Variants in KDM4C observed in about 807,000 individuals in gnomAD.
KDM4C encodes lysine demethylase 4C, also known as lysine-specific demethylase 4C.
A neutral mutation model predicts 129.3 loss-of-function variants in KDM4C; 81 were observed. The ratio of observed to expected loss-of-function variants is 0.63; its 90% CI spans 0.52 to 0.75. The LOEUF (loss-of-function observed/expected upper bound fraction) is 0.75, where lower values mean the gene tolerates loss of function less well. Among genes scored for constraint, KDM4C ranks in the 30% least tolerant of loss-of-function variants. KDM4C has a pLI of 0.00. For missense variants in KDM4C, 1,457 were observed against 1,304.0 expected, an observed-to-expected ratio of 1.12 and a Z score of -1.81; for synonymous variants, 573 against 456.1, an observed-to-expected ratio of 1.26 and a Z score of -3.26.
At chr9:6,896,447 A>G (rs1816454949) in intron 8 of KDM4C, among the ~76,000 whole-genome samples, 1 of 151,616 alleles carries the variant, frequency 6.6e-6, no homozygotes, top group Non-Finnish European at 1.5e-5. Flanking sequence ...TTATATGTGC[A>G]TATATGTAAT....
At chr9:6,749,134 C>T (rs537730513) in intron 1 of KDM4C, among the ~76,000 whole-genome samples, 1 of 152,336 alleles carries the variant, frequency 6.6e-6, no homozygotes. Context: ...ATTCTCCTGC[C>T]TCAGCATCCC....
At chr9:7,118,801 G>C (rs1356108906) in intron 18 of KDM4C, among the ~76,000 whole-genome samples, 1 of 152,122 alleles carries the variant, frequency 6.6e-6, no homozygotes, top group Non-Finnish European at 1.5e-5. Flanking sequence ...TGTAGATAGA[G>C]AACCCAGTTG....
intron 7 of KDM4C, among the ~76,000 whole-genome samples, chr9:6,889,793 G>A (rs11790744): frequency 0.14 from 21,948 of 152,196 alleles, 1,856 homozygotes; most frequent in South Asian, 0.33. Context: ...AGGCTGATAC[G>A]TGAAGAGAAG....
chr9:7,064,261 ACT>A (rs779722673), intron 17 of KDM4C, among the ~76,000 whole-genome samples: 2 of 152,212 alleles, frequency 1.3e-5, no homozygotes, highest in Non-Finnish European at 2.9e-5. Flanking sequence ...AAAATATCTC[ACT>A]GATTATTTTT....
intron 17 of KDM4C, among the ~76,000 whole-genome samples, chr9:7,074,033 G>T (rs1369341102): frequency 2.0e-5 from 3 of 152,192 alleles, no homozygotes. Context: ...ACAGGAATTT[G>T]CTATCTAAAG....
Position 7,014,032 on chromosome 9 carries a change from G to C in KDM4C, c.2182+31G>C, listed in dbSNP as rs755061819. The C allele has an allele frequency of 2.6e-6, 4 of 1,560,948 alleles. No individual in the cohort carries two copies. The South Asian group carries it at 4.6e-5, about 18-fold the overall frequency. On this transcript the variant is annotated intron_variant, in intron 14 of 21. Coordinates refer to ENST00000381309, the MANE Select transcript of KDM4C (RefSeq NM_015061.6). ...TGGATCTATAATTCATCAATCACTGGCTTTTCAGCATTTCACATCATCTTT... is the reference window on the plus strand; with the variant it reads ...TGGATCTATAATTCATCAATCACTGCCTTTTCAGCATTTCACATCATCTTT...
chr9:6,791,569 T>C (rs1826625652), intron 1 of KDM4C, among the ~76,000 whole-genome samples: 1 of 152,214 alleles, frequency 6.6e-6, no homozygotes, highest in African/African-American at 2.4e-5. Flanking sequence ...TAGGAAGGCA[T>C]GATATGACAA....
intron 8 of KDM4C, among the ~76,000 whole-genome samples, chr9:6,935,005 T>C (rs1288921566): frequency 6.6e-6 from 1 of 152,110 alleles, no homozygotes; most frequent in Non-Finnish European, 1.5e-5. Context: ...GACACAAGTT[T>C]TATGTATAAT....
At chr9:6,961,529 C>T (rs1044655603) in intron 8 of KDM4C, among the ~76,000 whole-genome samples, 3 of 152,172 alleles carry the variant, frequency 2.0e-5, no homozygotes, top group Non-Finnish European at 2.9e-5. Flanking sequence ...AACTATTTCT[C>T]ATCAGACAGA....
At chr9:6,865,029 G>A (rs1405174571) in intron 5 of KDM4C, among the ~76,000 whole-genome samples, 1 of 98,228 alleles carries the variant, frequency 1.0e-5, no homozygotes, top group African/African-American at 3.3e-5. Flanking sequence ...TTTTTTGTGA[G>A]ATAGAGTCTT....
chr9:6,794,779 T>C lies in KDM4C; in HGVS notation c.144+1647T>C, dbSNP rs1827405547. Among the ~76,000 whole-genome samples, 3 of 152,190 alleles carry C rather than the reference T, an allele frequency of 2.0e-5. No individual in the cohort carries two copies. In the South Asian group the frequency reaches 6.2e-4, roughly 32 times the overall value. On this transcript the variant is annotated intron_variant, in intron 2 of 21. Coordinates refer to ENST00000381309, the MANE Select transcript of KDM4C (RefSeq NM_015061.6). ...GGTAGTGACTTAAGCCTTGTGGGTG[T>C]AAGTGACATGCCCCGAGTCATAGGG...
chr9:6,858,058 C>T (rs960213735), intron 5 of KDM4C, among the ~76,000 whole-genome samples: 2 of 151,528 alleles, frequency 1.3e-5, no homozygotes, highest in Admixed American at 1.3e-4. Context: ...TAAGCTCAAG[C>T]ACTCTTCCTG....
intron 8 of KDM4C, among the ~76,000 whole-genome samples, chr9:6,954,548 C>G (rs891608113): frequency 3.9e-5 from 6 of 152,042 alleles, no homozygotes; most frequent in Admixed American, 3.9e-4. Context: ...AAGGAGAGGC[C>G]TTATTGATCT....
In KDM4C at chr9:6,740,510, C is replaced by T. The variant is rs144363906; in HGVS notation, c.49+19513C>T. Among the ~76,000 whole-genome samples the T allele has an allele frequency of 3.9e-3, 549 of 140,242 alleles. 4 individuals carry two copies. The highest frequency in any genetic ancestry group is 0.013 in the African/African-American group (506 of 37,634). 92.0% of individuals were successfully genotyped at this position (140,242 alleles called of 152,430 possible). A position where few individuals can be genotyped will look rare whatever the true frequency, so the allele number is the denominator to read the frequency against. ...GAGCCACTGCGCCTGGCCTTTCACC[C>T]GGCCTAATTTTTATTTATTTATCCT... On this transcript the variant is annotated intron_variant, in intron 1 of 17. Coordinates refer to the KDM4C transcript ENST00000536108.
rs138375482 is a variant in KDM4C, at chr9:6,804,562, A to G, written c.145-1037A>G. Among the ~76,000 whole-genome samples the G allele has an allele frequency of 1.8e-4, 27 of 152,028 alleles. No homozygotes were observed. The East Asian group carries it at 4.1e-3, about 23-fold the overall frequency. ...ATCATGAGGTCAGGAGTTCAAGACC[A>G]TCCTGGCCAAGATGGTGAAACCCTG... On this transcript the variant is annotated intron_variant, in intron 2 of 21. Coordinates refer to ENST00000381309, the MANE Select transcript of KDM4C (RefSeq NM_015061.6).
At chr9:7,122,278 C>G (rs1839587969) in intron 18 of KDM4C, among the ~76,000 whole-genome samples, 2 of 151,928 alleles carry the variant, frequency 1.3e-5, no homozygotes, top group Admixed American at 1.3e-4. Context: ...CTCTCTCTCT[C>G]TCTCTCTTAA....
chr9:7,046,737 C>T, intron 15 of KDM4C, 125 bp from the exon 16 acceptor site: 1 of 745,918 alleles, frequency 1.3e-6, no homozygotes, highest in South Asian at 1.7e-5. Context: ...GATAGACCTT[C>T]ATGTAATTCC....
intron 3 of KDM4C, among the ~76,000 whole-genome samples, chr9:6,807,409 C>T (rs932963274): frequency 8.9e-5 from 13 of 145,958 alleles, no homozygotes; most frequent in African/African-American, 3.1e-4. Context: ...GCGTCTCCGC[C>T]CGGCCGCCAT....
chr9:6,859,384 A>G lies in KDM4C; in HGVS notation c.629+9684A>G, dbSNP rs538407863. Among the ~76,000 whole-genome samples, 533 of 147,462 alleles carry G rather than the reference A, an allele frequency of 3.6e-3. 5 individuals carry two copies. Among genetic ancestry groups the G allele is most frequent in the Non-Finnish European group, 5.3e-3 (358 of 67,004 alleles). On this transcript the variant is annotated intron_variant, in intron 5 of 21. Coordinates refer to ENST00000381309, the MANE Select transcript of KDM4C (RefSeq NM_015061.6). ...CAGCTACTCGGGAGGCTGAGGCAGG[A>G]GAATCACTTGAACCAGGAAGGTGGA...
Sources: allele counts gnomAD v4.1 joint callset (sites outside exome capture counted in the v4.1 genomes callset), GRCh38; gene constraint gnomAD v4.1.1; transcripts MANE v1.5; gene names NCBI Gene and HGNC (gene_info 2026-07-23, HGNC 2026-07-21).